Variants in GOLGA6L9 observed in about 807,000 individuals in gnomAD.
The protein encoded by GOLGA6L9 is golgin A6 family like 9, also known as golgin subfamily A member 6-like protein 9.
Under a neutral mutation model 51.3 loss-of-function variants are expected in GOLGA6L9, and 19 were observed. The observed-to-expected ratio is 0.37, with a 90% CI of 0.26 to 0.54. The LOEUF (loss-of-function observed/expected upper bound fraction) is 0.54, where lower values mean the gene tolerates loss of function less well. Ranked by LOEUF, GOLGA6L9 falls within the 20% of genes least tolerant of loss-of-function variation. The pLI, the probability that GOLGA6L9 is intolerant of heterozygous loss-of-function variation, is 0.83. For synonymous variants in GOLGA6L9, 97 were observed against 184.2 expected (o/e 0.53, Z 3.83); for missense variants, 247 against 464.1 (o/e 0.53, Z 4.30).
At chr15:82,419,925 C>G in the GOLGA6L9 span, 1 of 264,322 alleles carries the variant, frequency 3.8e-6, no homozygotes, top group South Asian at 6.2e-5. Flanking sequence ...TAGGCCTTCT[C>G]AAGTGGGAAC....
At position 82,434,183 on chromosome 15, in the gene GOLGA6L9, A is replaced by C. The variant is rs1293512821; in HGVS notation, c.583A>C (p.Arg195=). 1.9e-6 allele frequency: 3 copies of C among 1,543,880 alleles called. No homozygotes were observed. The Admixed American group carries it at 5.8e-5, about 30-fold the overall frequency. ...CAATCAGATGTTGAGTCTCCTGAAC[A>C]GGAGACAGGAGGAGAGGCTACGTGA... is the stretch of plus-strand genomic sequence containing the variant. ...ENNQMLSLLN[R]RQEERLREQE... The change falls in exon 6 of 9, where the codon AGG becomes CGG. Residue 195 remains arginine (R), a synonymous_variant. Coordinates refer to ENST00000618348, the MANE Select transcript of GOLGA6L9 (RefSeq NM_198181.4).
At chr15:82,428,961 T>A (rs879096754), upstream of GOLGA6L9, among the ~76,000 whole-genome samples, 124,524 of 151,454 alleles carry the variant, frequency 0.82, 51,549 homozygotes, top group East Asian at 1. Context: ...AGGCCTAGAG[T>A]GGCCTGGTGA....
Position 82,434,516 on chromosome 15 carries a change from C to G in GOLGA6L9, c.916C>G (p.Leu306Val). The G allele has an allele frequency of 3.2e-6, 5 of 1,563,186 alleles. No individual in the cohort carries two copies. Among genetic ancestry groups the G allele is most frequent in the Non-Finnish European group, 8.6e-7 (1 of 1,162,352 alleles). ...GGAGACTCTGCGGGAGCTGGAGAGGCTGCGGGAGCTGGAGAGGATGCTGGA... is the reference window on the plus strand; with the variant it reads ...GGAGACTCTGCGGGAGCTGGAGAGGGTGCGGGAGCTGGAGAGGATGCTGGA... ...QQETLRELER[L>V]RELERMLELG... The change falls in exon 6 of 9, where the codon CTG (leucine) becomes GTG (valine). Residue 306 changes from leucine (L) to valine (V), a missense_variant. Around this residue, in one of 9 missense-constraint regions of GOLGA6L9, gnomAD observed 35 missense variants for 86.2 expected, o/e 0.41. Transcript: ENST00000618348.
chr15:82,438,134 A>T lies in GOLGA6L9; in HGVS notation c.*1723A>T, dbSNP rs2031776798. ...CTAACAGTTTATCATTCTGAAACTGAGCTTACCTAATACATTGATAAATTA... is the reference window on the plus strand; with the variant it reads ...CTAACAGTTTATCATTCTGAAACTGTGCTTACCTAATACATTGATAAATTA... On this transcript the variant is annotated 3_prime_UTR_variant, in exon 9 of 9. Coordinates refer to ENST00000618348, the MANE Select transcript of GOLGA6L9 (RefSeq NM_198181.4). 1 of 149,324 alleles carries T rather than the reference A, an allele frequency of 6.7e-6. No individual in the cohort carries two copies. Among genetic ancestry groups the T allele is most frequent in the African/African-American group, 2.5e-5 (1 of 40,366 alleles). 9.2% of individuals were successfully genotyped at this position (149,324 alleles called of 1,614,324 possible).
chr15:82,417,278 A>G, the GOLGA6L9 span, among the ~76,000 whole-genome samples: 6 of 152,266 alleles, frequency 3.9e-5, no homozygotes, highest in African/African-American at 1.2e-4. Context: ...CGTTACTTCA[A>G]TTATTAGAAT....
chr15:82,433,364 T>C (rs1248102205), intron 4 of GOLGA6L9, among the ~76,000 whole-genome samples, 198 bp from the exon 5 acceptor site: 1,739 of 152,052 alleles, frequency 0.011, 41 homozygotes, highest in African/African-American at 0.04. Context: ...GAAGGGCTCC[T>C]GTCTGTCCTT....
chr15:82,429,869 T>A lies in GOLGA6L9; in HGVS notation c.-211T>A, dbSNP rs2031346415. On this transcript the variant is annotated 5_prime_UTR_variant, in exon 1 of 9. Transcript: ENST00000618348. ...ACAGCGGTTGCATGGGCAGCTTTCC[T>A]TATGATGCTACAGGTCCCTCTGGAC... 5.4e-6 allele frequency: 4 copies of A among 740,752 alleles called. No homozygotes were observed. Among genetic ancestry groups the A allele is most frequent in the Middle Eastern group, 7.8e-4 (2 of 2,566 alleles). 45.9% of individuals were successfully genotyped at this position (740,752 alleles called of 1,614,324 possible). A position where few individuals can be genotyped will look rare whatever the true frequency, so the allele number is the denominator to read the frequency against.
upstream of GOLGA6L9, among the ~76,000 whole-genome samples, chr15:82,429,143 TG>T (rs1343969511): frequency 6.6e-6 from 1 of 151,512 alleles, no homozygotes; most frequent in Non-Finnish European, 1.5e-5. Context: ...GGCATGAGCT[TG>T]GCTCACTGCA....
chr15:82,438,007 C>A lies in GOLGA6L9; in HGVS notation c.*1596C>A, dbSNP rs1397400921. On this transcript the variant is annotated 3_prime_UTR_variant, in exon 9 of 9. Coordinates refer to ENST00000618348, the MANE Select transcript of GOLGA6L9 (RefSeq NM_198181.4). ...GTTCTTGCCTTGTCTGAACTTGCCG[C>A]TTTTGCATTCTTTGAGTTCAGTTTA... The A allele has an allele frequency of 6.6e-6, 1 of 150,998 alleles. No homozygotes were observed. The highest frequency in any genetic ancestry group is 6.6e-5 in the Admixed American group (1 of 15,154). 9.4% of individuals were successfully genotyped at this position (150,998 alleles called of 1,614,324 possible). A position where few individuals can be genotyped will look rare whatever the true frequency, so the allele number is the denominator to read the frequency against.
At chr15:82,416,603 C>A in the GOLGA6L9 span, among the ~76,000 whole-genome samples, 1 of 152,082 alleles carries the variant, frequency 6.6e-6, no homozygotes, top group Admixed American at 6.6e-5. Flanking sequence ...GAGGCAGAAT[C>A]AAAATGCCTT....
the GOLGA6L9 span, among the ~76,000 whole-genome samples, chr15:82,420,565 G>A: frequency 6.6e-6 from 1 of 152,078 alleles, no homozygotes; most frequent in Non-Finnish European, 1.5e-5. Context: ...CTTTAAAAGA[G>A]GGTATTATTA....
At chr15:82,418,999 A>G in the GOLGA6L9 span, among the ~76,000 whole-genome samples, 1 of 152,238 alleles carries the variant, frequency 6.6e-6, no homozygotes. Context: ...CAAACAATTG[A>G]CTGGAATTTC....
In GOLGA6L9 at chr15:82,431,900, G is replaced by A. The variant is rs2031416853; in HGVS notation, c.155G>A (p.Gly52Asp). 2.2e-6 allele frequency: 3 copies of A among 1,366,616 alleles called. 1 individual carries two copies. The highest frequency in any genetic ancestry group is 1.5e-5 in the African/African-American group (1 of 68,142). 84.7% of individuals were successfully genotyped at this position (1,366,616 alleles called of 1,614,324 possible). ...GCTAACAGGAAAAAGAAAATCAATG[G>A]CAGTAGCCCTGACACATTCACTTCT... is the stretch of plus-strand genomic sequence containing the variant. ...AGANRKKKIN[G>D]SSPDTFTSGG... is the part of the protein sequence containing the mutation. The change falls in exon 2 of 9, where the codon GGC becomes GAC. Residue 52 changes from glycine to aspartate, a missense_variant. Physicochemically the swap from Gly to Asp is moderately conservative, Grantham distance 94 (BLOSUM62 -1). This residue lies in a region of GOLGA6L9 where 74 missense variants were observed against 91.2 expected (regional missense o/e 0.81). Coordinates refer to ENST00000618348, the MANE Select transcript of GOLGA6L9 (RefSeq NM_198181.4).
In GOLGA6L9 at chr15:82,434,215, G is replaced by T; in HGVS notation, c.615G>T (p.Glu205Asp). ...AGGAGGAGAGGCTACGTGAACAGGAGGAGAGGCTACGTGAACAGGAGGAGA... is the reference window on the plus strand; with the variant it reads ...AGGAGGAGAGGCTACGTGAACAGGATGAGAGGCTACGTGAACAGGAGGAGA... ...RRQEERLREQ[E>D]ERLREQEERL... is the part of the protein sequence containing the mutation. The change falls in exon 6 of 9, where the codon GAG (glutamate) becomes GAT (aspartate). Residue 205 changes from glutamate to aspartate, a missense_variant. Coordinates refer to ENST00000618348, the MANE Select transcript of GOLGA6L9 (RefSeq NM_198181.4). 1 of 1,561,564 alleles carries T rather than the reference G, an allele frequency of 6.4e-7. No homozygotes were observed. The highest frequency in any genetic ancestry group is 2.3e-5 in the East Asian group (1 of 43,114).
the GOLGA6L9 span, among the ~76,000 whole-genome samples, chr15:82,420,791 A>G: frequency 6.6e-6 from 1 of 152,172 alleles, no homozygotes; most frequent in East Asian, 1.9e-4. Flanking sequence ...CATTACTGAG[A>G]AAGCCTTCCA....
Sources: allele counts gnomAD v4.1 joint callset (sites outside exome capture counted in the v4.1 genomes callset), GRCh38; gene constraint gnomAD v4.1.1; regional missense constraint gnomAD v4.1.1; transcripts MANE v1.5; gene names NCBI Gene and HGNC (gene_info 2026-07-23, HGNC 2026-07-21).